The following CHRNB4 variants were observed in gnomAD, a reference collection of about 807,000 sequenced individuals.
CHRNB4 encodes neuronal acetylcholine receptor subunit beta-4.
CHRNB4 carries 23 observed loss-of-function variants against 40.4 expected under a neutral mutation model. The ratio of observed to expected loss-of-function variants is 0.57; its 90% CI spans 0.41 to 0.81. CHRNB4 has a LOEUF of 0.81. CHRNB4 is among the 30% of genes least tolerant of loss of function. The pLI, the probability that CHRNB4 is intolerant of heterozygous loss-of-function variation, is 0.00. For missense variants in CHRNB4, 568 were observed against 670.6 expected, an observed-to-expected ratio of 0.85 and a Z score of 1.69; for synonymous variants, 285 against 274.4, an observed-to-expected ratio of 1.04 and a Z score of -0.38.
chr15:78,647,802 C>G (rs1231531596), intron 7 of CHRNB4, among the ~76,000 whole-genome samples: 6 of 131,278 alleles, frequency 4.6e-5, no homozygotes, highest in African/African-American at 1.7e-4. Context: ...GGAGCTTGCA[C>G]TGAGCCGACA....
intron 1 of CHRNB4, among the ~76,000 whole-genome samples, chr15:78,635,841 A>G (rs1350365914): frequency 6.6e-6 from 1 of 152,048 alleles, no homozygotes; most frequent in African/African-American, 2.4e-5. Flanking sequence ...CCCACTCTAC[A>G]TATCTGGTAC....
Position 78,629,393 on chromosome 15 carries a change from C to T in CHRNB4, c.912G>A (p.Val304=). Residue 304 remains valine (V), a synonymous_variant, in exon 5 of 6, where the codon GTG becomes GTA. Coordinates refer to ENST00000261751, the MANE Select transcript of CHRNB4 (RefSeq NM_000750.5). This position sits in a 1 kb window ranked among gnomAD's most constrained non-coding sequence, Gnocchi z 6.8. ...LIGKYLMFTM[V]LVTFSIVTSV... ...TGGTGACGATGGAGAAGGTGACCAG[C>T]ACCATGGTGAACATGAGGTACTTGC... 1.2e-6 allele frequency: 2 copies of T among 1,614,072 alleles called. No individual in the cohort carries two copies. Among genetic ancestry groups the T allele is most frequent in the East Asian group, 2.2e-5 (1 of 44,866 alleles).
chr15:78,649,419 G>GCC (rs1330405973), exon 7 of CHRNB4: 4 of 454,756 alleles, frequency 8.8e-6, no homozygotes, highest in Non-Finnish European at 1.8e-5. Flanking sequence ...GCAAACTACC[G>GCC]CCCATCTGCC....
Position 78,632,257 on chromosome 15 carries a change from T to C in CHRNB4, c.205-925A>G, listed in dbSNP as rs1453131333. On this transcript the variant is annotated intron_variant, in intron 2 of 5. Transcript: ENST00000261751. ...TCTCTCTCTCTCTCTCTCTCTCTCT[T>C]TCTTTCTTTCTTTCTTTCTTTCTCC... Among the ~76,000 whole-genome samples the C allele has an allele frequency of 1.0e-3, 71 of 69,318 alleles. 1 individual carries two copies. Among genetic ancestry groups the C allele is most frequent in the African/African-American group, 4.3e-3 (69 of 16,166 alleles). 45.5% of individuals were successfully genotyped at this position (69,318 alleles called of 152,430 possible). A position where few individuals can be genotyped will look rare whatever the true frequency, so the allele number is the denominator to read the frequency against.
upstream of CHRNB4, chr15:78,641,277 C>T (rs982025520): frequency 4.7e-6 from 3 of 639,008 alleles, no homozygotes; most frequent in Non-Finnish European, 7.3e-6. Context: ...GCGGAGAGCC[C>T]CGCCGAGCCC....
intron 5 of CHRNB4, among the ~76,000 whole-genome samples, chr15:78,653,727 T>C (rs2054191317): frequency 6.6e-6 from 1 of 152,196 alleles, no homozygotes; most frequent in African/African-American, 2.4e-5. Context: ...TCCTAGGGCC[T>C]GCCATTTTTG....
At chr15:78,658,545 T>G (rs2054231615) in intron 1 of CHRNB4, among the ~76,000 whole-genome samples, 1 of 152,160 alleles carries the variant, frequency 6.6e-6, no homozygotes, top group Non-Finnish European at 1.5e-5. Context: ...AGATCAGTGA[T>G]TCCTCTACTG....
intron 1 of CHRNB4, among the ~76,000 whole-genome samples, chr15:78,639,345 G>C (rs925483603): frequency 2.0e-5 from 3 of 152,136 alleles, no homozygotes; most frequent in Non-Finnish European, 4.4e-5. Flanking sequence ...GCCCAGGCTG[G>C]AGTGCAGTGG....
At chr15:78,631,666 A>C (rs1251720929) in intron 2 of CHRNB4, among the ~76,000 whole-genome samples, 1 of 152,128 alleles carries the variant, frequency 6.6e-6, no homozygotes, top group East Asian at 1.9e-4. Flanking sequence ...AAAGCAACTC[A>C]TATTTGTCTG....
At chr15:78,627,775 A>G (rs996461159) in intron 5 of CHRNB4, 1 of 152,224 alleles carries the variant, frequency 6.6e-6, no homozygotes, top group Non-Finnish European at 1.5e-5. Flanking sequence ...CATTGTCCTT[A>G]GAAGTGTTAT....
chr15:78,655,403 C>CATATCTATATATATCTATATATCT (rs1354164746), intron 5 of CHRNB4: 4,888 of 147,750 alleles, frequency 0.033, 329 homozygotes, highest in African/African-American at 0.12. Context: ...ATATACGTTA[C>CATATCTATATATATCTATATATCT]ATATCTATAT....
chr15:78,653,824 T>C (rs943523453), intron 5 of CHRNB4, among the ~76,000 whole-genome samples: 3 of 152,162 alleles, frequency 2.0e-5, no homozygotes, highest in African/African-American at 7.2e-5. Flanking sequence ...CCCTGCCCAA[T>C]CCAGCTACCT....
upstream of CHRNB4, chr15:78,641,320 C>T: frequency 2.0e-6 from 1 of 511,438 alleles, no homozygotes; most frequent in Non-Finnish European, 3.3e-6. Flanking sequence ...GCCCGCTGCT[C>T]CGCCCCGACG....
At chr15:78,656,215 T>TA (rs1354104503) in exon 4 of CHRNB4, 1 of 151,750 alleles carries the variant, frequency 6.6e-6, no homozygotes, top group Non-Finnish European at 1.5e-5. Context: ...CACGTACCTG[T>TA]AGTCCCAGCT....
At chr15:78,661,623 C>T (rs1370229691), upstream of CHRNB4, 6 of 481,984 alleles carry the variant, frequency 1.2e-5, no homozygotes, top group Admixed American at 7.1e-5. Flanking sequence ...GCGCCTCCTG[C>T]TCGGCCAGTT....
At chr15:78,642,480 G>A (rs528790687), upstream of CHRNB4, among the ~76,000 whole-genome samples, 22 of 152,210 alleles carry the variant, frequency 1.4e-4, no homozygotes, top group Non-Finnish European at 8.8e-5. Flanking sequence ...GGGATAAGCG[G>A]GGACCAAAAG....
chr15:78,643,893 T>C (rs1196255560), upstream of CHRNB4, among the ~76,000 whole-genome samples: 2 of 150,962 alleles, frequency 1.3e-5, no homozygotes, highest in East Asian at 3.9e-4. Context: ...CTCACGCCTA[T>C]AATCCCAGGC....
upstream of CHRNB4, among the ~76,000 whole-genome samples, chr15:78,645,747 G>T (rs1225137137): frequency 6.6e-6 from 1 of 151,942 alleles, no homozygotes; most frequent in Non-Finnish European, 1.5e-5. Context: ...GAACCCAAAT[G>T]AATATATTTT....
intron 4 of CHRNB4, chr15:78,655,809 T>C (rs982003494): frequency 6.6e-6 from 1 of 152,238 alleles, no homozygotes; most frequent in African/African-American, 2.4e-5. Context: ...ACATTGAGTA[T>C]ATAGACAAAC....
Sources: allele counts gnomAD v4.1 joint callset (sites outside exome capture counted in the v4.1 genomes callset), GRCh38; gene constraint gnomAD v4.1.1; non-coding constraint Gnocchi (gnomAD v3.1); transcripts MANE v1.5; gene names NCBI Gene and HGNC (gene_info 2026-07-23, HGNC 2026-07-21).